The following CELF2 variants were observed in gnomAD, a reference collection of about 807,000 sequenced individuals.
The protein encoded by CELF2 is CUGBP Elav-like family member 2, also known as CUG triplet repeat RNA-binding protein 2.
Under a neutral mutation model 62.6 loss-of-function variants are expected in CELF2, and 8 were observed. The observed-to-expected ratio is 0.13, with a 90% CI of 0.07 to 0.23. The LOEUF is 0.23. Among genes scored for constraint, CELF2 ranks in the 10% least tolerant of loss-of-function variants. The pLI is 1.00. For synonymous variants in CELF2, 258 were observed against 250.0 expected (o/e 1.03, Z -0.30); for missense variants, 333 against 671.0 (o/e 0.50, Z 5.56).
At chr10:11,180,603 G>A (rs2073020106) in intron 2 of CELF2, among the ~76,000 whole-genome samples, 1 of 152,118 alleles carries the variant, frequency 6.6e-6, no homozygotes. Context: ...CCTGCCATCC[G>A]AGCAGATGAG....
At chr10:10,998,954 T>A (rs949832333) in intron 2 of CELF2, among the ~76,000 whole-genome samples, 35 of 152,202 alleles carry the variant, frequency 2.3e-4, no homozygotes, top group African/African-American at 6.3e-4. Context: ...TTATGGAAAG[T>A]AATGAAGGTA....
chr10:10,708,697 C>G, the CELF2 span, among the ~76,000 whole-genome samples: 1 of 152,120 alleles, frequency 6.6e-6, no homozygotes. Flanking sequence ...ATGGTGAGAT[C>G]TTGCCTTGGA....
chr10:10,994,861 T>C (rs2053791252), intron 2 of CELF2, among the ~76,000 whole-genome samples: 1 of 152,144 alleles, frequency 6.6e-6, no homozygotes, highest in African/African-American at 2.4e-5. Context: ...ATTCAGGCTT[T>C]CTTTTACTGT....
the CELF2 span, among the ~76,000 whole-genome samples, chr10:10,658,369 C>G: frequency 6.6e-6 from 1 of 152,136 alleles, no homozygotes; most frequent in Non-Finnish European, 1.5e-5. Flanking sequence ...TTGTAGATTA[C>G]CTTACATTTC....
At chr10:10,646,727 C>A in the CELF2 span, among the ~76,000 whole-genome samples, 1 of 152,162 alleles carries the variant, frequency 6.6e-6, no homozygotes, top group African/African-American at 2.4e-5. Context: ...TGACGAAGAG[C>A]AGGTGCCACT....
chr10:10,921,040 C>A (rs183145322), intron 2 of CELF2, among the ~76,000 whole-genome samples: 188 of 152,092 alleles, frequency 1.2e-3, no homozygotes, highest in African/African-American at 4.4e-3. Context: ...CTGCAACTTC[C>A]ACCTCCCAGG....
At position 11,242,784 on chromosome 10, in the gene CELF2, C is replaced by CTG. The variant is rs146049141; in HGVS notation, c.355-6359_355-6358dup. Among the ~76,000 whole-genome samples the CTG allele has an allele frequency of 6.6e-6, 1 of 152,144 alleles. No homozygotes were observed. Among genetic ancestry groups the CTG allele is most frequent in the African/African-American group, 2.4e-5 (1 of 41,512 alleles). On this transcript the variant is annotated intron_variant, in intron 3 of 12. Transcript: ENST00000633077. This position sits in a 1 kb window ranked among gnomAD's most constrained non-coding sequence, Gnocchi z 4.8. Reference sequence around the variant, plus strand: ...GGGTGGACCACTCAGCTCTGGGACCCTGTGTGTGTGTAGGGAGGGAGAAGA... The same window carrying CTG: ...GGGTGGACCACTCAGCTCTGGGACCCTGTGTGTGTGTGTAGGGAGGGAGAAGA...
intron 3 of CELF2, among the ~76,000 whole-genome samples, chr10:11,239,920 G>T (rs948639527): frequency 6.6e-6 from 1 of 152,154 alleles, no homozygotes; most frequent in African/African-American, 2.4e-5. Context: ...CAGGCCTGGT[G>T]CAGGCGCCTG....
rs549955121 is a variant in CELF2, at chr10:11,255,302, C to A, written c.404-2436C>A. 9.2e-5 allele frequency among the ~76,000 whole-genome samples: 14 copies of A among 152,322 alleles called. No individual in the cohort carries two copies. The South Asian group carries it at 2.9e-3, about 32-fold the overall frequency. On this transcript the variant is annotated intron_variant, in intron 4 of 12. Transcript: ENST00000633077. This position sits in a 1 kb window ranked among gnomAD's most constrained non-coding sequence, Gnocchi z 5.5. ...CCCATGTCTCCTCCGAGTCTGAACA[C>A]AAGCAGTGGCTCAGGCCAGCTGATG...
the CELF2 span, among the ~76,000 whole-genome samples, chr10:10,755,411 C>T: frequency 6.6e-6 from 1 of 152,218 alleles, no homozygotes; most frequent in Non-Finnish European, 1.5e-5. Context: ...CCGGCATTTA[C>T]TTGCCAAACA....
chr10:10,876,558 G>A (rs928527696), intron 1 of CELF2, among the ~76,000 whole-genome samples: 1 of 152,114 alleles, frequency 6.6e-6, no homozygotes, highest in African/African-American at 2.4e-5. Flanking sequence ...AAACAGTGCC[G>A]CGTTTTAGGA....
chr10:11,318,861 T>C lies in CELF2; in HGVS notation c.1097-2328T>C, dbSNP rs1419706437. On this transcript the variant is annotated intron_variant, in intron 10 of 12. Coordinates refer to ENST00000633077, the MANE Select transcript of CELF2 (RefSeq NM_001326342.2). The surrounding 1 kb of genome is among the most constrained non-coding windows in gnomAD (Gnocchi z 5.4). ...TCTGGAGAAGCCGAGTCGTGGAGGC[T>C]GCACATCGCAGGAAGGATCCCCCGT... The C allele has an allele frequency of 4.2e-6, 2 of 471,170 alleles. No individual in the cohort carries two copies. The highest frequency in any genetic ancestry group is 8.8e-6 in the Non-Finnish European group (2 of 227,046). The allele number at this position is 471,170 out of a possible 1,614,324, so 29.2% of individuals were successfully genotyped here.
chr10:10,793,401 GCTAA>G (rs1167968990), upstream of CELF2, among the ~76,000 whole-genome samples: 9 of 152,144 alleles, frequency 5.9e-5, no homozygotes, highest in Admixed American at 2.0e-4. Flanking sequence ...AAGATTAATG[GCTAA>G]CTATTCAGGT....
intron 1 of CELF2, among the ~76,000 whole-genome samples, chr10:11,093,766 G>C (rs571594472): frequency 5.7e-4 from 87 of 152,282 alleles, no homozygotes; most frequent in Middle Eastern, 3.4e-3. Flanking sequence ...AATTGTCTAT[G>C]TAATCTCAGC....
intron 2 of CELF2, among the ~76,000 whole-genome samples, chr10:11,173,846 T>C (rs1381516629): frequency 6.6e-6 from 1 of 152,190 alleles, no homozygotes; most frequent in African/African-American, 2.4e-5. Context: ...GGAAAGATAA[T>C]TGACCAAAAG....
chr10:11,243,357 T>A lies in CELF2; in HGVS notation c.355-5796T>A, dbSNP rs1355827843. Among the ~76,000 whole-genome samples, 1 of 141,008 alleles carries A rather than the reference T, an allele frequency of 7.1e-6. No homozygotes were observed. Among genetic ancestry groups the A allele is most frequent in the Admixed American group, 6.9e-5 (1 of 14,542 alleles). 92.5% of individuals were successfully genotyped at this position (141,008 alleles called of 152,430 possible). On this transcript the variant is annotated intron_variant, in intron 3 of 12. Transcript: ENST00000633077. This position sits in a 1 kb window ranked among gnomAD's most constrained non-coding sequence, Gnocchi z 4.1. The stretch of plus-strand genomic sequence containing the variant: ...ACGTGCGGCTTTAGGCAAAATGTTA[T>A]TCAAAAAAAAAAAAAAAAAGCTTCT...
chr10:10,588,381 C>T, the CELF2 span, among the ~76,000 whole-genome samples: 4 of 152,328 alleles, frequency 2.6e-5, no homozygotes, highest in East Asian at 5.8e-4. Context: ...GACCCTAAAG[C>T]TGTCACTTAC....
Position 10,928,643 on chromosome 10 carries a change from G to A in CELF2, c.89+8644G>A, listed in dbSNP as rs1446223460. Reference sequence around the variant, plus strand: ...ACTGTTTACTTTTATAGAAAGGTTTGCTGACCACTGTTCTATACACATCCT... The same window carrying A: ...ACTGTTTACTTTTATAGAAAGGTTTACTGACCACTGTTCTATACACATCCT... On this transcript the variant is annotated intron_variant, in intron 2 of 13. Transcript: ENST00000636488. This position sits in a 1 kb window ranked among gnomAD's most constrained non-coding sequence, Gnocchi z 4.8. Among the ~76,000 whole-genome samples the A allele has an allele frequency of 6.6e-6, 1 of 152,156 alleles. No homozygotes were observed. Among genetic ancestry groups the A allele is most frequent in the African/African-American group, 2.4e-5 (1 of 41,426 alleles).
intron 1 of CELF2, among the ~76,000 whole-genome samples, chr10:11,116,266 C>T (rs2056536596): frequency 6.6e-6 from 1 of 152,182 alleles, no homozygotes; most frequent in African/African-American, 2.4e-5. Context: ...GCAGTGGAGC[C>T]TTTTCAGCAG....
Sources: allele counts gnomAD v4.1 joint callset (sites outside exome capture counted in the v4.1 genomes callset), GRCh38; gene constraint gnomAD v4.1.1; non-coding constraint Gnocchi (gnomAD v3.1); transcripts MANE v1.5; gene names NCBI Gene and HGNC (gene_info 2026-07-23, HGNC 2026-07-21).